The following ADAMTSL3 variants were observed in gnomAD, a reference collection of about 807,000 sequenced individuals.
ADAMTSL3 encodes ADAMTS-like protein 3.
In ADAMTSL3, 128 loss-of-function variants were observed where a neutral mutation model predicts 201.7. That is an observed-to-expected ratio of 0.63 (90% CI 0.55 to 0.73). ADAMTSL3 has a LOEUF of 0.73. ADAMTSL3 is among the 30% of genes least tolerant of loss of function. The pLI, the probability that ADAMTSL3 is intolerant of heterozygous loss-of-function variation, is 0.00. For synonymous variants in ADAMTSL3, 738 were observed against 748.4 expected (o/e 0.99, Z 0.23); for missense variants, 1,990 against 2,119.6 (o/e 0.94, Z 1.20).
intron 2 of ADAMTSL3, among the ~76,000 whole-genome samples, chr15:83,686,753 C>G (rs2061541872): frequency 6.6e-6 from 1 of 152,142 alleles, no homozygotes; most frequent in Non-Finnish European, 1.5e-5. Flanking sequence ...AAACACTTGC[C>G]TGACTTAAAT....
chr15:83,683,861 G>A (rs556486899), intron 2 of ADAMTSL3, among the ~76,000 whole-genome samples: 2 of 152,122 alleles, frequency 1.3e-5, no homozygotes, highest in African/African-American at 4.8e-5. Flanking sequence ...ATACAGCTGT[G>A]TTTTTCCCTA....
intron 6 of ADAMTSL3, among the ~76,000 whole-genome samples, chr15:83,835,059 C>G (rs1393345671): frequency 6.6e-6 from 1 of 151,760 alleles, no homozygotes; most frequent in Non-Finnish European, 1.5e-5. Flanking sequence ...ACAGTGAAAC[C>G]CTGTCTCTAC....
At chr15:83,968,050 T>C (rs1411675220) in intron 19 of ADAMTSL3, among the ~76,000 whole-genome samples, 5 of 152,180 alleles carry the variant, frequency 3.3e-5, no homozygotes, top group African/African-American at 1.2e-4. Flanking sequence ...TATTAAAGAC[T>C]TAAACATAAG....
chr15:83,922,958 C>T (rs1357870975), intron 16 of ADAMTSL3, among the ~76,000 whole-genome samples: 2 of 152,192 alleles, frequency 1.3e-5, no homozygotes, highest in Non-Finnish European at 2.9e-5. Context: ...GTTTGATTTA[C>T]ATCTTGTTCC....
intron 3 of ADAMTSL3, among the ~76,000 whole-genome samples, chr15:83,716,787 G>A (rs962479100): frequency 6.6e-5 from 10 of 151,980 alleles, no homozygotes; most frequent in Non-Finnish European, 1.2e-4. Flanking sequence ...AATTCTCAAC[G>A]CTTTCCACGT....
At chr15:83,922,560 TAAAACCTAGAGTTATTAAG>T (rs1223214915) in intron 16 of ADAMTSL3, among the ~76,000 whole-genome samples, 2 of 152,202 alleles carry the variant, frequency 1.3e-5, no homozygotes, top group Admixed American at 6.5e-5. Context: ...TATTTGCAAA[TAAAACCTAGAGTTATTAAG>T]TTGTAGCAAT....
chr15:83,753,240 A>G (rs759852046), intron 3 of ADAMTSL3, among the ~76,000 whole-genome samples: 4 of 152,196 alleles, frequency 2.6e-5, no homozygotes, highest in African/African-American at 4.8e-5. Context: ...CTCACCTACC[A>G]TTTTTAGTCA....
chr15:83,829,599 G>A (rs2064108638), intron 6 of ADAMTSL3, among the ~76,000 whole-genome samples: 1 of 152,038 alleles, frequency 6.6e-6, no homozygotes, highest in African/African-American at 2.4e-5. Flanking sequence ...TGCTTCTCTA[G>A]TTCTTTTAAT....
chr15:83,946,850 G>A (rs1246462471), intron 19 of ADAMTSL3, among the ~76,000 whole-genome samples: 1 of 152,132 alleles, frequency 6.6e-6, no homozygotes, highest in Non-Finnish European at 1.5e-5. Flanking sequence ...TGCTCCAAGA[G>A]GTCAGCCCAA....
rs544421763 is a variant in ADAMTSL3, at chr15:83,969,667, C to G, written c.2491-817C>G. ...TGCATGATTCCATTACATAAGGTATCTAAAATTGTCAAACTCATAGAAGCA... is the reference window on the plus strand; with the variant it reads ...TGCATGATTCCATTACATAAGGTATGTAAAATTGTCAAACTCATAGAAGCA... On this transcript the variant is annotated intron_variant, in intron 19 of 29. Transcript: ENST00000286744. Among the ~76,000 whole-genome samples, 342 of 152,266 alleles carry G rather than the reference C, an allele frequency of 2.2e-3. 18 individuals carry two copies. In the South Asian group the frequency reaches 0.067, roughly 30 times the overall value.
intron 17 of ADAMTSL3, among the ~76,000 whole-genome samples, chr15:83,934,228 G>A (rs1478649410): frequency 1.3e-5 from 2 of 152,294 alleles, no homozygotes; most frequent in East Asian, 3.9e-4. Flanking sequence ...AAGACCATGG[G>A]AGCCCATCTC....
intron 21 of ADAMTSL3, among the ~76,000 whole-genome samples, chr15:83,984,500 T>C (rs897820894): frequency 6.6e-6 from 1 of 152,216 alleles, no homozygotes; most frequent in African/African-American, 2.4e-5. Flanking sequence ...AGAATAAACC[T>C]TAAAACATAG....
chr15:83,667,473 T>C (rs2141377018), intron 2 of ADAMTSL3, among the ~76,000 whole-genome samples: 1 of 150,194 alleles, frequency 6.7e-6, no homozygotes, highest in Middle Eastern at 3.5e-3. Context: ...TTATCTCTAA[T>C]GAAGCAAGGA....
chr15:83,933,963 G>T (rs976942022), intron 17 of ADAMTSL3, among the ~76,000 whole-genome samples: 1 of 152,210 alleles, frequency 6.6e-6, no homozygotes, highest in African/African-American at 2.4e-5. Context: ...TGCTGTAAGG[G>T]TGGAGCCTTC....
intron 3 of ADAMTSL3, among the ~76,000 whole-genome samples, chr15:83,733,377 G>A (rs1162967797): frequency 6.6e-6 from 1 of 152,142 alleles, no homozygotes; most frequent in Admixed American, 6.5e-5. Flanking sequence ...CTCTTCCTGG[G>A]GGTGAGAGAC....
chr15:83,962,749 T>C (rs2066997344), intron 19 of ADAMTSL3, among the ~76,000 whole-genome samples: 1 of 152,116 alleles, frequency 6.6e-6, no homozygotes, highest in African/African-American at 2.4e-5. Context: ...TAGGAACAGC[T>C]CTGGTCTGCA....
intron 3 of ADAMTSL3, among the ~76,000 whole-genome samples, chr15:83,770,439 A>G (rs2062962295): frequency 1.3e-5 from 2 of 152,210 alleles, no homozygotes; most frequent in African/African-American, 4.8e-5. Context: ...TCCAGCCTAT[A>G]TACCTCCAGC....
chr15:84,032,369 G>C (rs180852637), intron 28 of ADAMTSL3, among the ~76,000 whole-genome samples: 1 of 152,190 alleles, frequency 6.6e-6, no homozygotes, highest in East Asian at 1.9e-4. Flanking sequence ...GGCAATGTAG[G>C]GTCAGTTGCA....
Position 83,891,346 on chromosome 15 carries a change from T to G in ADAMTSL3, c.1229T>G (p.Ile410Arg). The change falls in exon 12 of 30, where the codon ATA (isoleucine) becomes AGA (arginine). Residue 410 changes from isoleucine (I) to arginine (R), a missense_variant. Transcript: ENST00000286744. ...PCPSSDGFKE[I>R]MPYDHFQPLP... The stretch of plus-strand genomic sequence containing the variant: ...ATTTGTAGTGATGGATTTAAAGAGA[T>G]AATGCCCTATGACCACTTCCAACCT... The G allele has an allele frequency of 6.2e-7, 1 of 1,612,488 alleles. No homozygotes were observed. Among genetic ancestry groups the G allele is most frequent in the South Asian group, 1.1e-5 (1 of 91,026 alleles).
Sources: allele counts gnomAD v4.1 joint callset (sites outside exome capture counted in the v4.1 genomes callset), GRCh38; gene constraint gnomAD v4.1.1; transcripts MANE v1.5; gene names NCBI Gene and HGNC (gene_info 2026-07-23, HGNC 2026-07-21).